LHX4: variants seen among roughly 807,000 people sequenced by gnomAD.
LHX4 encodes the protein LIM/homeobox protein Lhx4.
Under a neutral mutation model 39.2 loss-of-function variants are expected in LHX4, and 16 were observed. The observed-to-expected ratio is 0.41, with a 90% CI of 0.28 to 0.62. The LOEUF (loss-of-function observed/expected upper bound fraction) is 0.62, where lower values mean the gene tolerates loss of function less well. Among genes scored for constraint, LHX4 ranks in the 20% least tolerant of loss-of-function variants. The pLI is 0.33. For synonymous variants in LHX4, 206 were observed against 198.1 expected, an observed-to-expected ratio of 1.04 and a Z score of -0.33; for missense variants, 439 against 511.9, an observed-to-expected ratio of 0.86 and a Z score of 1.37.
intron 5 of LHX4, chr1:180,273,725 G>T (rs1648832384): frequency 1.0e-5 from 2 of 198,968 alleles, no homozygotes; most frequent in African/African-American, 2.3e-5. Context: ...TCTAAGAGTG[G>T]TCCTCAGCTT....
rs780869144 is a variant in LHX4, at chr1:180,274,404, C to T, written c.998C>T (p.Thr333Met). The T allele has an allele frequency of 2.7e-5, 44 of 1,614,080 alleles. No homozygotes were observed. The highest frequency in any genetic ancestry group is 1.6e-4 in the Middle Eastern group (1 of 6,084). Residue 333 changes from threonine to methionine, a missense_variant, in exon 6 of 6, where the codon ACG becomes ATG. Coordinates refer to ENST00000263726, the MANE Select transcript of LHX4 (RefSeq NM_033343.4). ...CCTTTGCTCAATGGGCTGGATTACA[C>T]GGTGGACAGTAATTTGGGCATCATT... Reference protein sequence around the residue: ...HAPLLNGLDYTVDSNLGIIAH... With the variant: ...HAPLLNGLDYMVDSNLGIIAH...
In LHX4 at chr1:180,278,215, C is replaced by CTT. The variant is rs1005241098; in HGVS notation, c.*3638_*3639dup. ...AGGAGGCTCATTTTTAAACACTGCACTTTAAAAATTGGAAACCGTGAGATG... is the reference window on the plus strand; with the variant it reads ...AGGAGGCTCATTTTTAAACACTGCACTTTTTAAAAATTGGAAACCGTGAGATG... On this transcript the variant is annotated 3_prime_UTR_variant, in exon 6 of 6. Coordinates refer to ENST00000263726, the MANE Select transcript of LHX4 (RefSeq NM_033343.4). 4 of 152,146 alleles carry CTT rather than the reference C, an allele frequency of 2.6e-5. No homozygotes were observed. The highest frequency in any genetic ancestry group is 9.7e-5 in the African/African-American group (4 of 41,422). The allele number at this position is 152,146 out of a possible 1,614,324, so 9.4% of individuals were successfully genotyped here.
intron 2 of LHX4, among the ~76,000 whole-genome samples, chr1:180,263,268 G>A (rs1648177561): frequency 6.6e-6 from 1 of 152,224 alleles, no homozygotes; most frequent in African/African-American, 2.4e-5. Context: ...ATGACCGTGT[G>A]TCTCATTATT....
rs191716871 is a variant in LHX4 at position 180,235,261 on chromosome 1, A to G, written c.76+4656A>G. Among the ~76,000 whole-genome samples the G allele has an allele frequency of 2.0e-4, 31 of 152,322 alleles. No individual in the cohort carries two copies. The East Asian group carries it at 4.6e-3, about 23-fold the overall frequency. Reference sequence around the variant, plus strand: ...TTCGCGCCCGTTTTCGGAGCTTATTATCTCAGGTAGCCCAGAGGTCCGACT... The same window carrying G: ...TTCGCGCCCGTTTTCGGAGCTTATTGTCTCAGGTAGCCCAGAGGTCCGACT... On this transcript the variant is annotated intron_variant, in intron 1 of 5. Transcript: ENST00000263726.
At chr1:180,267,002 C>T (rs893812537) in intron 3 of LHX4, among the ~76,000 whole-genome samples, 1 of 152,192 alleles carries the variant, frequency 6.6e-6, no homozygotes, top group African/African-American at 2.4e-5. Context: ...GCACATGGAC[C>T]TCTCAGCAGC....
At chr1:180,262,026 T>C (rs1043439833) in intron 2 of LHX4, among the ~76,000 whole-genome samples, 2 of 152,196 alleles carry the variant, frequency 1.3e-5, no homozygotes, top group African/African-American at 4.8e-5. Context: ...TTTTTCACTG[T>C]TGACAAGTGA....
intron 1 of LHX4, among the ~76,000 whole-genome samples, chr1:180,233,063 A>G (rs1664217437): frequency 6.6e-6 from 1 of 152,240 alleles, no homozygotes; most frequent in African/African-American, 2.4e-5. Flanking sequence ...CGGTGCCTCT[A>G]GTGCCCTCCC....
At chr1:180,249,625 A>T (rs1647520336) in intron 2 of LHX4, among the ~76,000 whole-genome samples, 1 of 152,176 alleles carries the variant, frequency 6.6e-6, no homozygotes, top group Admixed American at 6.5e-5. Flanking sequence ...GTTGAGGGGG[A>T]GTAATGGGGA....
intron 5 of LHX4, 64 bp downstream of exon 5, chr1:180,272,070 T>C: frequency 6.1e-6 from 9 of 1,475,968 alleles, no homozygotes; most frequent in Non-Finnish European, 8.3e-6. Context: ...CTGTAATCCC[T>C]GGCACTCAGG....
intron 3 of LHX4, 104 bp from the exon 4 acceptor site, chr1:180,271,276 C>A: frequency 7.5e-7 from 1 of 1,328,298 alleles, no homozygotes; most frequent in Non-Finnish European, 1.1e-6. Flanking sequence ...GTCCTGCCTA[C>A]AGCAGGCAGG....
chr1:180,242,585 T>C (rs1351929125), intron 1 of LHX4, among the ~76,000 whole-genome samples: 1 of 152,158 alleles, frequency 6.6e-6, no homozygotes, highest in Non-Finnish European at 1.5e-5. Context: ...ACATGTGGGC[T>C]TAGGTCTATG....
At position 180,271,548 on chromosome 1, in the gene LHX4, A is replaced by C; in HGVS notation, c.606+14A>C. 6.2e-7 allele frequency: 1 copy of C among 1,613,532 alleles called. No homozygotes were observed. Among genetic ancestry groups the C allele is most frequent in the Non-Finnish European group, 8.5e-7 (1 of 1,179,732 alleles). On this transcript the variant is annotated intron_variant, in intron 4 of 5. Coordinates refer to ENST00000263726, the MANE Select transcript of LHX4 (RefSeq NM_033343.4). Reference sequence around the variant, plus strand: ...AGGGTCGTACAGGTGAGATGCCAGCACTCCTGTGCCCTCCGGGGATCCCAG... The same window carrying C: ...AGGGTCGTACAGGTGAGATGCCAGCCCTCCTGTGCCCTCCGGGGATCCCAG...
At chr1:180,271,285 G>C in intron 3 of LHX4, 95 bp from the exon 4 acceptor site, 1 of 1,411,506 alleles carries the variant, frequency 7.1e-7, no homozygotes, top group Non-Finnish European at 1.0e-6. Context: ...ACAGCAGGCA[G>C]GCTTAGGTGC....
chr1:180,274,332 G>A lies in LHX4; in HGVS notation c.926G>A (p.Gly309Glu). 1 of 1,614,194 alleles carries A rather than the reference G, an allele frequency of 6.2e-7. No homozygotes were observed. Among genetic ancestry groups the A allele is most frequent in the South Asian group, 1.1e-5 (1 of 91,080 alleles). ...GACTTGAGGGATGGGAGCCCCTATG[G>A]AATCCCCCAGTCTCCATCCTCCATA... ...YQDLRDGSPY[G>E]IPQSPSSISS... is the part of the protein sequence containing the mutation. Residue 309 changes from glycine (G) to glutamate (E), a missense_variant, in exon 6 of 6, where the codon GGA (glycine) becomes GAA (glutamate). By Grantham distance (98) the Gly-to-Glu change is moderately conservative. Coordinates refer to ENST00000263726, the MANE Select transcript of LHX4 (RefSeq NM_033343.4).
At chr1:180,267,528 A>G (rs1648372776) in intron 3 of LHX4, among the ~76,000 whole-genome samples, 1 of 152,182 alleles carries the variant, frequency 6.6e-6, no homozygotes, top group Non-Finnish European at 1.5e-5. Flanking sequence ...TCACTCCCAG[A>G]TGCACCCACA....
intron 2 of LHX4, among the ~76,000 whole-genome samples, chr1:180,261,352 G>A (rs1157718425): frequency 6.7e-6 from 1 of 149,322 alleles, no homozygotes; most frequent in Non-Finnish European, 1.5e-5. Flanking sequence ...CCAGCAGAGG[G>A]GAAGCTAATG....
At chr1:180,246,919 C>T (rs763243267) in intron 1 of LHX4, among the ~76,000 whole-genome samples, 30 of 152,120 alleles carry the variant, frequency 2.0e-4, no homozygotes, top group Non-Finnish European at 3.1e-4. Context: ...AGGCAGTGAC[C>T]GTTTAGACAA....
chr1:180,230,498 G>A lies in LHX4; in HGVS notation c.-32G>A, dbSNP rs779053882. On this transcript the variant is annotated 5_prime_UTR_variant, in exon 1 of 6. Coordinates refer to ENST00000263726, the MANE Select transcript of LHX4 (RefSeq NM_033343.4). This position sits in a 1 kb window ranked among gnomAD's most constrained non-coding sequence, Gnocchi z 5.8. ...TAGAGCGAGAGAGCGAGAGATCTCC[G>A]TAGACTGCGACTCGCTGGCTTTCGC... 4.4e-6 allele frequency: 7 copies of A among 1,586,828 alleles called. No individual in the cohort carries two copies. Among genetic ancestry groups the A allele is most frequent in the Non-Finnish European group, 6.1e-6 (7 of 1,156,238 alleles).
intron 1 of LHX4, among the ~76,000 whole-genome samples, chr1:180,233,158 G>A (rs977927024): frequency 2.0e-5 from 3 of 152,232 alleles, no homozygotes; most frequent in African/African-American, 7.2e-5. Context: ...TTGGGGATGG[G>A]TGAGGGGCAT....
Sources: gnomAD v4.1 joint callset for allele counts (sites outside exome capture counted in the v4.1 genomes callset) on GRCh38, gnomAD v4.1.1 for gene constraint, Gnocchi (gnomAD v3.1) non-coding constraint, MANE v1.5 for transcripts, NCBI Gene and HGNC (gene_info 2026-07-23, HGNC 2026-07-21) for gene names.